Variants in SYT16 observed in about 807,000 individuals in gnomAD.
The protein encoded by SYT16 is synaptotagmin-16.
A neutral mutation model predicts 61.4 loss-of-function variants in SYT16; 42 were observed. The ratio of observed to expected loss-of-function variants is 0.68; its 90% CI spans 0.53 to 0.89. SYT16 has a LOEUF of 0.89. Ranked by LOEUF, SYT16 falls within the 40% of genes least tolerant of loss-of-function variation. SYT16 has a pLI of 0.00. For missense variants in SYT16, 804 were observed against 807.3 expected, an observed-to-expected ratio of 1.00 and a Z score of 0.05; for synonymous variants, 314 against 302.3, an observed-to-expected ratio of 1.04 and a Z score of -0.40.
chr14:62,093,219 A>G (rs1426284103), intron 7 of SYT16, among the ~76,000 whole-genome samples: 1 of 152,140 alleles, frequency 6.6e-6, no homozygotes, highest in African/African-American at 2.4e-5. Flanking sequence ...AACCAAGTGA[A>G]CATATTAAAA....
At chr14:61,887,389 T>G (rs945093893) in intron 1 of SYT16, among the ~76,000 whole-genome samples, 3 of 152,228 alleles carry the variant, frequency 2.0e-5, no homozygotes, top group Non-Finnish European at 4.4e-5. Flanking sequence ...CAGTGAGCAC[T>G]GGCTTCAATT....
chr14:61,838,730 TG>T (rs2046208700), intron 1 of SYT16, among the ~76,000 whole-genome samples: 1 of 152,178 alleles, frequency 6.6e-6, no homozygotes, highest in Admixed American at 6.5e-5. Flanking sequence ...GTGTGACTCT[TG>T]CTAAGGACTC....
chr14:61,864,434 C>T (rs1404563861), intron 1 of SYT16, among the ~76,000 whole-genome samples: 4 of 152,248 alleles, frequency 2.6e-5, no homozygotes, highest in Admixed American at 1.3e-4. Flanking sequence ...TGCACAGACA[C>T]GTGCTAGTCG....
chr14:61,842,562 T>C (rs1172038492), intron 1 of SYT16, among the ~76,000 whole-genome samples: 2 of 152,176 alleles, frequency 1.3e-5, no homozygotes, highest in Admixed American at 1.3e-4. Flanking sequence ...ACATTTTCTG[T>C]GGCACATATA....
chr14:61,883,973 G>C (rs778228096), intron 1 of SYT16, among the ~76,000 whole-genome samples: 4 of 151,964 alleles, frequency 2.6e-5, no homozygotes, highest in Non-Finnish European at 4.4e-5. Flanking sequence ...GGGGGAAACT[G>C]CTCCCATGAT....
chr14:62,072,575 T>C (rs888965848), intron 4 of SYT16, among the ~76,000 whole-genome samples: 1 of 152,226 alleles, frequency 6.6e-6, no homozygotes, highest in African/African-American at 2.4e-5. Context: ...ACTTCAGTTC[T>C]CTTAAGGTCT....
chr14:61,899,448 C>T (rs1343127500), intron 1 of SYT16, among the ~76,000 whole-genome samples: 1 of 152,210 alleles, frequency 6.6e-6, no homozygotes, highest in Non-Finnish European at 1.5e-5. Flanking sequence ...ATAATATTCA[C>T]TTCCCTCCAG....
Position 61,861,646 on chromosome 14 carries a change from C to T in SYT16, c.-325+48836C>T, listed in dbSNP as rs184640005. 1.0e-3 allele frequency among the ~76,000 whole-genome samples: 159 copies of T among 152,314 alleles called. 1 individual carries two copies. The highest frequency in any genetic ancestry group is 3.8e-3 in the African/African-American group (156 of 41,572). On this transcript the variant is annotated intron_variant, in intron 1 of 7. Transcript: ENST00000683842. The stretch of plus-strand genomic sequence containing the variant: ...TCTCGAATTCCTGGGCTCAAGCAAT[C>T]TGCCCACATTGGCCTCCCAACGTGC...
At chr14:61,960,517 A>T (rs184564750) in intron 1 of SYT16, among the ~76,000 whole-genome samples, 9 of 152,274 alleles carry the variant, frequency 5.9e-5, no homozygotes, top group Admixed American at 5.2e-4. Flanking sequence ...TTACTTGTGT[A>T]TAGGGATGCC....
chr14:61,820,308 A>G (rs1160608455), intron 1 of SYT16, among the ~76,000 whole-genome samples: 1 of 152,150 alleles, frequency 6.6e-6, no homozygotes, highest in Non-Finnish European at 1.5e-5. Context: ...GAAAAGGGCT[A>G]CAACAGCTAC....
intron 1 of SYT16, among the ~76,000 whole-genome samples, chr14:61,945,164 G>A (rs2050373128): frequency 6.6e-6 from 1 of 152,234 alleles, no homozygotes; most frequent in South Asian, 2.1e-4. Flanking sequence ...TTTGAGAAAT[G>A]CAAATCAAAA....
intron 1 of SYT16, among the ~76,000 whole-genome samples, chr14:61,849,839 C>G (rs965836202): frequency 6.6e-6 from 1 of 152,138 alleles, no homozygotes; most frequent in African/African-American, 2.4e-5. Context: ...GATAGTTGTT[C>G]CATTTGATGT....
chr14:62,051,576 G>T (rs1051832771), intron 3 of SYT16, among the ~76,000 whole-genome samples: 9 of 152,330 alleles, frequency 5.9e-5, no homozygotes, highest in Non-Finnish European at 1.0e-4. Flanking sequence ...GCTAGGAGCT[G>T]TATACTAGAG....
intron 3 of SYT16, among the ~76,000 whole-genome samples, chr14:62,066,886 C>T (rs537472837): frequency 8.5e-5 from 13 of 152,208 alleles, no homozygotes; most frequent in African/African-American, 2.2e-4. Context: ...GTAATGCTGC[C>T]GTGGCATCCG....
At chr14:61,987,651 A>C (rs540658899) in intron 2 of SYT16, among the ~76,000 whole-genome samples, 1 of 152,278 alleles carries the variant, frequency 6.6e-6, no homozygotes, top group Admixed American at 6.5e-5. Context: ...TAACCCGATG[A>C]TAACTGTGCA....
chr14:62,067,512 G>A (rs74054949), intron 3 of SYT16, among the ~76,000 whole-genome samples: 249 of 152,282 alleles, frequency 1.6e-3, no homozygotes, highest in African/African-American at 5.6e-3. Flanking sequence ...AAGAGGGCCC[G>A]TGTGCTGGTA....
At chr14:61,830,904 C>T (rs2045917384) in intron 1 of SYT16, among the ~76,000 whole-genome samples, 1 of 152,170 alleles carries the variant, frequency 6.6e-6, no homozygotes, top group African/African-American at 2.4e-5. Context: ...GGATGGTCAA[C>T]AGGGCTCTTC....
intron 3 of SYT16, among the ~76,000 whole-genome samples, chr14:62,025,539 C>T (rs1184755547): frequency 2.0e-5 from 3 of 152,122 alleles, no homozygotes; most frequent in Non-Finnish European, 4.4e-5. Context: ...TCCTCTCAGT[C>T]TGTGGCATGT....
rs1427945633 is a variant in SYT16 at position 62,102,683 on chromosome 14, A to T, written c.*1976A>T. On this transcript the variant is annotated 3_prime_UTR_variant, in exon 8 of 8. Transcript: ENST00000683842. ...GAACAGCCTCGCTATGCTTTCCTTT[A>T]TGCAGTAACATAATAGCAGCATTCA... The T allele has an allele frequency of 6.6e-6, 1 of 152,212 alleles. No homozygotes were observed. Among genetic ancestry groups the T allele is most frequent in the African/African-American group, 2.4e-5 (1 of 41,460 alleles). 9.4% of individuals were successfully genotyped at this position (152,212 alleles called of 1,614,324 possible).
Sources: gnomAD v4.1 joint callset for allele counts (sites outside exome capture counted in the v4.1 genomes callset) on GRCh38, gnomAD v4.1.1 for gene constraint, MANE v1.5 for transcripts, NCBI Gene and HGNC (gene_info 2026-07-23, HGNC 2026-07-21) for gene names.